The following LOC128092253 variants were observed in gnomAD, a reference collection of about 807,000 sequenced individuals.
chr6:133,969,571 TG>T, the LOC128092253 span, among the ~76,000 whole-genome samples: 1 of 152,180 alleles, frequency 6.6e-6, no homozygotes, highest in Non-Finnish European at 1.5e-5. Flanking sequence ...GTTTTACGGG[TG>T]GTAAAATATA....
chr6:133,978,265 A>G, the LOC128092253 span, among the ~76,000 whole-genome samples: 1 of 152,178 alleles, frequency 6.6e-6, no homozygotes, highest in East Asian at 1.9e-4. Context: ...TTTCATCAAT[A>G]ATTACTGTCA....
At chr6:133,978,793 CTTTA>C in the LOC128092253 span, among the ~76,000 whole-genome samples, 3 of 152,158 alleles carry the variant, frequency 2.0e-5, no homozygotes, top group Non-Finnish European at 2.9e-5. Context: ...ACAAGACCTT[CTTTA>C]TTTAGACTCT....
the LOC128092253 span, among the ~76,000 whole-genome samples, chr6:133,965,786 C>A: frequency 6.6e-6 from 1 of 152,066 alleles, no homozygotes. Flanking sequence ...GAAATCCTTT[C>A]CATTTTTGAA....
chr6:133,960,325 G>A, the LOC128092253 span, among the ~76,000 whole-genome samples: 1 of 152,088 alleles, frequency 6.6e-6, no homozygotes, highest in East Asian at 1.9e-4. Flanking sequence ...CCCTCAGTAA[G>A]GGATGCTGAG....
the LOC128092253 span, among the ~76,000 whole-genome samples, chr6:133,966,640 T>C: frequency 6.6e-6 from 1 of 152,184 alleles, no homozygotes; most frequent in Non-Finnish European, 1.5e-5. Context: ...ACCTTTCTCA[T>C]CTGCCCTGCA....
chr6:133,953,491 G>A, the LOC128092253 span: 2 of 152,872 alleles, frequency 1.3e-5, no homozygotes, highest in Non-Finnish European at 2.9e-5. Context: ...CACCGGGTGC[G>A]GGGCGTCTGG....
the LOC128092253 span, among the ~76,000 whole-genome samples, chr6:133,968,262 T>C: frequency 6.6e-6 from 1 of 152,148 alleles, no homozygotes; most frequent in Non-Finnish European, 1.5e-5. Context: ...GTATTTCTTA[T>C]ATAATCAGAA....
the LOC128092253 span, among the ~76,000 whole-genome samples, chr6:133,962,086 C>G: frequency 6.6e-6 from 1 of 151,976 alleles, no homozygotes; most frequent in Non-Finnish European, 1.5e-5. Flanking sequence ...GCTATAAAAC[C>G]GCGAAACAGT....
the LOC128092253 span, among the ~76,000 whole-genome samples, chr6:133,970,689 G>A: frequency 6.6e-6 from 1 of 151,540 alleles, no homozygotes. Context: ...GCTCATTGCA[G>A]CCTCAACCTC....
At chr6:133,977,043 A>T in the LOC128092253 span, among the ~76,000 whole-genome samples, 13 of 152,180 alleles carry the variant, frequency 8.5e-5, no homozygotes, top group African/African-American at 3.1e-4. Flanking sequence ...TATCCTATTG[A>T]AAAGGGATAT....
chr6:133,979,079 A>G, the LOC128092253 span, among the ~76,000 whole-genome samples: 3 of 152,200 alleles, frequency 2.0e-5, no homozygotes, highest in South Asian at 6.2e-4. Flanking sequence ...CTCGGCAAAT[A>G]CATGTTGGAA....
At chr6:133,962,294 A>T in the LOC128092253 span, among the ~76,000 whole-genome samples, 1 of 152,224 alleles carries the variant, frequency 6.6e-6, no homozygotes, top group Non-Finnish European at 1.5e-5. Flanking sequence ...TAATCCTGGT[A>T]GCTATTTGGT....
the LOC128092253 span, among the ~76,000 whole-genome samples, chr6:133,973,648 G>A: frequency 6.6e-6 from 1 of 152,120 alleles, no homozygotes; most frequent in Non-Finnish European, 1.5e-5. Flanking sequence ...ACTAGAAAGA[G>A]GACCAAAAAT....
chr6:133,954,268 A>T, the LOC128092253 span, among the ~76,000 whole-genome samples: 1 of 152,178 alleles, frequency 6.6e-6, no homozygotes, highest in African/African-American at 2.4e-5. Flanking sequence ...GAGCTTCTGT[A>T]TTTAGGGTTT....
the LOC128092253 span, among the ~76,000 whole-genome samples, chr6:133,959,229 A>C: frequency 6.6e-6 from 1 of 152,072 alleles, no homozygotes; most frequent in African/African-American, 2.4e-5. Flanking sequence ...TAGTAGATGC[A>C]GGGTTTCCCC....
At chr6:133,954,160 A>C in the LOC128092253 span, among the ~76,000 whole-genome samples, 1 of 152,232 alleles carries the variant, frequency 6.6e-6, no homozygotes, top group South Asian at 2.1e-4. Flanking sequence ...CAATGTGCTC[A>C]TTGCAATAAG....
the LOC128092253 span, among the ~76,000 whole-genome samples, chr6:133,974,338 G>T: frequency 6.6e-6 from 1 of 152,104 alleles, no homozygotes; most frequent in East Asian, 1.9e-4. Flanking sequence ...GGTCAGTTCA[G>T]TTATTTCTTT....
the LOC128092253 span, among the ~76,000 whole-genome samples, chr6:133,963,757 G>A: frequency 3.6e-4 from 54 of 151,820 alleles, no homozygotes; most frequent in African/African-American, 1.3e-3. Flanking sequence ...CCGGCCTGGC[G>A]CGGTGGCTCA....
chr6:133,957,783 A>T, the LOC128092253 span, among the ~76,000 whole-genome samples: 2 of 152,248 alleles, frequency 1.3e-5, no homozygotes, highest in Non-Finnish European at 1.5e-5. Context: ...AGTTAATACT[A>T]CTACTACGTT....
Sources: allele counts gnomAD v4.1 joint callset (sites outside exome capture counted in the v4.1 genomes callset), GRCh38; gene constraint gnomAD v4.1.1; transcripts MANE v1.5.